The following DOK6 variants were observed in gnomAD, a reference collection of about 807,000 sequenced individuals.
DOK6 encodes docking protein 6, also known as downstream of tyrosine kinase 6.
In DOK6, 22 loss-of-function variants were observed where a neutral mutation model predicts 44.0. The ratio of observed to expected loss-of-function variants is 0.50; its 90% CI spans 0.36 to 0.71. The LOEUF (loss-of-function observed/expected upper bound fraction) is 0.71, where lower values mean the gene tolerates loss of function less well. DOK6 is among the 30% of genes least tolerant of loss of function. The probability of loss-of-function intolerance (pLI) is 0.00; values close to 1 mark genes in which losing one functional copy is unlikely to be tolerated. For synonymous variants in DOK6, 166 were observed against 145.5 expected, an observed-to-expected ratio of 1.14 and a Z score of -1.01; for missense variants, 340 against 416.4, an observed-to-expected ratio of 0.82 and a Z score of 1.60.
At chr18:69,839,959 T>A (rs867936555) in intron 7 of DOK6, among the ~76,000 whole-genome samples, 9 of 152,306 alleles carry the variant, frequency 5.9e-5, no homozygotes, top group Middle Eastern at 6.8e-3. Flanking sequence ...GATTTTTCTC[T>A]CAGTATTTTG....
chr18:69,584,651 T>C (rs189082767), intron 2 of DOK6, among the ~76,000 whole-genome samples: 142 of 152,222 alleles, frequency 9.3e-4, no homozygotes, highest in Non-Finnish European at 1.9e-3. Flanking sequence ...GCTTTTGCTT[T>C]TTTTTTTCTG....
At chr18:69,530,534 C>G (rs968164013) in intron 1 of DOK6, among the ~76,000 whole-genome samples, 2 of 151,574 alleles carry the variant, frequency 1.3e-5, no homozygotes, top group African/African-American at 2.4e-5. Context: ...AATAATTAAC[C>G]AAGAAAGATG....
At chr18:69,578,325 G>GT (rs1204490261) in intron 2 of DOK6, among the ~76,000 whole-genome samples, 1 of 152,166 alleles carries the variant, frequency 6.6e-6, no homozygotes, top group Non-Finnish European at 1.5e-5. Flanking sequence ...CACACAAAGT[G>GT]AAGAGGTGAT....
chr18:69,562,704 A>G (rs1429658956), intron 1 of DOK6, among the ~76,000 whole-genome samples: 4 of 152,222 alleles, frequency 2.6e-5, no homozygotes, highest in Non-Finnish European at 5.9e-5. Context: ...ACCCTAGAAG[A>G]AAACCTAGGT....
Position 69,408,439 on chromosome 18 carries a change from C to CAA in DOK6, c.66+7143_66+7144dup, listed in dbSNP as rs35285941. ...ACACAAATTCACTAACCTCTCCTTT[C>CAA]AAAAAAAAAAAAAAATAGAGCACCT... is the stretch of plus-strand genomic sequence containing the variant. On this transcript the variant is annotated intron_variant, in intron 1 of 7. Transcript: ENST00000382713. Among the ~76,000 whole-genome samples, 1,149 of 138,838 alleles carry CAA rather than the reference C, an allele frequency of 8.3e-3. 18 individuals are homozygous for CAA. Among genetic ancestry groups the CAA allele is most frequent in the African/African-American group, 0.028 (1,064 of 38,318 alleles). The allele number at this position is 138,838 out of a possible 152,430, so 91.1% of individuals were successfully genotyped here.
At chr18:69,783,962 G>A (rs1980354399) in intron 7 of DOK6, among the ~76,000 whole-genome samples, 1 of 152,174 alleles carries the variant, frequency 6.6e-6, no homozygotes, top group Non-Finnish European at 1.5e-5. Context: ...GGGAGGCAGA[G>A]GCGTGTTGAT....
At chr18:69,512,528 G>A (rs1287760281) in intron 1 of DOK6, among the ~76,000 whole-genome samples, 1 of 151,880 alleles carries the variant, frequency 6.6e-6, no homozygotes, top group East Asian at 1.9e-4. Context: ...GTTTTTAGTA[G>A]AGACAGAGTT....
At chr18:69,700,505 T>A (rs1433786965) in intron 5 of DOK6, among the ~76,000 whole-genome samples, 1 of 152,188 alleles carries the variant, frequency 6.6e-6, no homozygotes, top group Admixed American at 6.5e-5. Context: ...ATTAGTTTTT[T>A]AAGATCTTTC....
intron 5 of DOK6, among the ~76,000 whole-genome samples, chr18:69,735,558 C>G (rs1030133082): frequency 8.5e-5 from 13 of 152,230 alleles, no homozygotes; most frequent in Non-Finnish European, 1.5e-4. Context: ...TGACGTGTGA[C>G]AACACATGCA....
intron 1 of DOK6, among the ~76,000 whole-genome samples, chr18:69,522,898 GAGGGTAGGTTCTAGAGATCAA>G (rs1981727506): frequency 6.6e-6 from 1 of 152,048 alleles, no homozygotes; most frequent in Non-Finnish European, 1.5e-5. Context: ...TCTTTCTTAC[GAGGGTAGGTTCTAGAGATCAA>G]AGTGTGTCTT....
intron 1 of DOK6, among the ~76,000 whole-genome samples, chr18:69,484,455 C>T (rs1030605855): frequency 1.3e-5 from 2 of 152,066 alleles, no homozygotes; most frequent in African/African-American, 4.8e-5. Flanking sequence ...CAGACGTTTT[C>T]GAGTTTTGTA....
intron 1 of DOK6, among the ~76,000 whole-genome samples, chr18:69,549,543 T>C (rs1367173080): frequency 1.3e-5 from 2 of 151,674 alleles, no homozygotes; most frequent in African/African-American, 2.4e-5. Context: ...CCTTTCCTAG[T>C]TCTTGATTAG....
At chr18:69,783,367 T>C (rs998994329) in intron 7 of DOK6, among the ~76,000 whole-genome samples, 1 of 152,240 alleles carries the variant, frequency 6.6e-6, no homozygotes. Context: ...TCATAATTTT[T>C]ATATTGATTA....
At chr18:69,732,274 C>T (rs1204972519) in intron 5 of DOK6, among the ~76,000 whole-genome samples, 1 of 152,000 alleles carries the variant, frequency 6.6e-6, no homozygotes, top group African/African-American at 2.4e-5. Context: ...TACAATAAAG[C>T]CTCCAGGAGC....
intron 7 of DOK6, among the ~76,000 whole-genome samples, chr18:69,811,528 A>G (rs1372244898): frequency 1.3e-4 from 1 of 7,474 alleles, no homozygotes. Context: ...ATTCCATTAT[A>G]TATATATATA....
At chr18:69,632,583 G>A (rs1015947516) in intron 3 of DOK6, among the ~76,000 whole-genome samples, 1 of 152,138 alleles carries the variant, frequency 6.6e-6, no homozygotes, top group African/African-American at 2.4e-5. Context: ...TCACCTGGTG[G>A]CCTTTGACAA....
chr18:69,832,966 A>G lies in DOK6; in HGVS notation c.857-8278A>G, dbSNP rs144839950. On this transcript the variant is annotated intron_variant, in intron 7 of 7. Transcript: ENST00000382713. ...ATGTTCATGGATTGGAAGAATAAAC[A>G]TTGTTAAAATGTCCATACTACCCAA... Among the ~76,000 whole-genome samples, 357 of 152,318 alleles carry G rather than the reference A, an allele frequency of 2.3e-3. 3 individuals are homozygous for G. Among genetic ancestry groups the G allele is most frequent in the African/African-American group, 8.1e-3 (337 of 41,576 alleles).
Position 69,403,765 on chromosome 18 carries a change from A to G in DOK6, c.66+2455A>G, listed in dbSNP as rs1448440602. Among the ~76,000 whole-genome samples, 9 of 152,352 alleles carry G rather than the reference A, an allele frequency of 5.9e-5. No homozygotes were observed. The South Asian group carries it at 1.9e-3, about 32-fold the overall frequency. ...TCTGTGAAGCTTACTAAGTTAAGTG[A>G]GTCCCATAAGATAGTAAAACTAAGC... On this transcript the variant is annotated intron_variant, in intron 1 of 7. Transcript: ENST00000382713.
chr18:69,496,572 T>G (rs1980897796), intron 1 of DOK6, among the ~76,000 whole-genome samples: 1 of 152,238 alleles, frequency 6.6e-6, no homozygotes, highest in African/African-American at 2.4e-5. Context: ...AACACCCATG[T>G]TTTTGGACAC....
Sources: gnomAD v4.1 joint callset for allele counts (sites outside exome capture counted in the v4.1 genomes callset) on GRCh38, gnomAD v4.1.1 for gene constraint, MANE v1.5 for transcripts, NCBI Gene and HGNC (gene_info 2026-07-23, HGNC 2026-07-21) for gene names.